ATP6V0A1: variants seen among roughly 807,000 people sequenced by gnomAD.
ATP6V0A1 encodes the protein ATPase H+ transporting V0 subunit a1.
Under a neutral mutation model 105.4 loss-of-function variants are expected in ATP6V0A1, and 43 were observed. The ratio of observed to expected loss-of-function variants is 0.41; its 90% CI spans 0.32 to 0.53. The LOEUF is 0.53. Among genes scored for constraint, ATP6V0A1 ranks in the 20% least tolerant of loss-of-function variants. The pLI, the probability that ATP6V0A1 is intolerant of heterozygous loss-of-function variation, is 0.30. For missense variants in ATP6V0A1, 676 were observed against 1,051.1 expected, an observed-to-expected ratio of 0.64 and a Z score of 4.93; for synonymous variants, 362 against 372.8, an observed-to-expected ratio of 0.97 and a Z score of 0.33.
intron 15 of ATP6V0A1, among the ~76,000 whole-genome samples, chr17:42,499,801 AT>A (rs2091517030): frequency 6.6e-6 from 1 of 152,046 alleles, no homozygotes; most frequent in Non-Finnish European, 1.5e-5. Context: ...AAAAAAAAAA[AT>A]GTTGATGGTC....
intron 10 of ATP6V0A1, among the ~76,000 whole-genome samples, chr17:42,490,184 C>T (rs1393005194): frequency 3.9e-5 from 6 of 152,170 alleles, no homozygotes; most frequent in African/African-American, 1.4e-4. Flanking sequence ...GGCAGTTCCA[C>T]ATTTTCTTTG....
intron 2 of ATP6V0A1, among the ~76,000 whole-genome samples, chr17:42,461,765 G>A (rs754383780): frequency 1.2e-4 from 19 of 152,172 alleles, no homozygotes; most frequent in African/African-American, 2.4e-4. Flanking sequence ...GCAAGACTCC[G>A]TCTCAAACAA....
chr17:42,460,812 A>G, intron 1 of ATP6V0A1, 36 bp from the exon 2 acceptor site: 2 of 1,158,252 alleles, frequency 1.7e-6, no homozygotes, highest in Non-Finnish European at 2.6e-6. Context: ...CCCTCGTGGT[A>G]ATTTCCAAAG....
At chr17:42,465,092 A>C (rs1329655398) in intron 2 of ATP6V0A1, among the ~76,000 whole-genome samples, 1 of 152,006 alleles carries the variant, frequency 6.6e-6, no homozygotes, top group East Asian at 1.9e-4. Flanking sequence ...TCCCAGGTTC[A>C]ATTGATTCTT....
rs2145927124 is a variant in ATP6V0A1, at chr17:42,487,183, A to G, written c.839A>G (p.Gln280Arg). ...MVLNQTEDHR[Q>R]RVLQAAAKNI... ...CTGAATCAAACGGAGGATCACCGCC[A>G]GAGGGTTCTGCAGGCAGCTGCTAAG... Residue 280 changes from glutamine to arginine, a missense_variant, in exon 10 of 22, where the codon CAG (glutamine) becomes CGG (arginine). By Grantham distance (43) the Gln-to-Arg change is conservative. Transcript: ENST00000343619. The G allele has an allele frequency of 6.2e-7, 1 of 1,614,224 alleles. No homozygotes were observed. The highest frequency in any genetic ancestry group is 8.5e-7 in the Non-Finnish European group (1 of 1,180,038).
At chr17:42,472,218 T>G (rs1016494601) in intron 5 of ATP6V0A1, among the ~76,000 whole-genome samples, 1 of 151,636 alleles carries the variant, frequency 6.6e-6, no homozygotes. Context: ...CACCCCCAGC[T>G]AATTTTTGTA....
rs117022588 is a variant in ATP6V0A1, at chr17:42,484,792, A to T, written c.810+1661A>T. Among the ~76,000 whole-genome samples the T allele has an allele frequency of 3.0e-4, 45 of 152,224 alleles. 1 individual carries two copies. The East Asian group carries it at 8.7e-3, about 29-fold the overall frequency. On this transcript the variant is annotated intron_variant, in intron 9 of 21. Coordinates refer to ENST00000343619, the MANE Select transcript of ATP6V0A1 (RefSeq NM_001130021.3). ...AAAGGCAGTTCCTTTTGGCAGTGGCAGAATTGTCAGGAATTGTCAGGGGTA... is the reference window on the plus strand; with the variant it reads ...AAAGGCAGTTCCTTTTGGCAGTGGCTGAATTGTCAGGAATTGTCAGGGGTA...
chr17:42,508,933 G>T (rs543976000), intron 19 of ATP6V0A1, among the ~76,000 whole-genome samples: 18 of 152,212 alleles, frequency 1.2e-4, no homozygotes, highest in African/African-American at 3.1e-4. Flanking sequence ...TTCCTCTCCT[G>T]TGATGTTGTG....
chr17:42,517,827 TC>T (rs1206350508), intron 21 of ATP6V0A1: 1 of 152,272 alleles, frequency 6.6e-6, no homozygotes, highest in Non-Finnish European at 1.5e-5. Context: ...TCCCACTTTA[TC>T]CCTGCTGTTT....
intron 19 of ATP6V0A1, among the ~76,000 whole-genome samples, chr17:42,512,791 AG>A (rs1314205882): frequency 6.6e-6 from 1 of 152,192 alleles, no homozygotes; most frequent in Non-Finnish European, 1.5e-5. Context: ...GGGTTTTGAA[AG>A]GAACTGCGGT....
intron 13 of ATP6V0A1, 92 bp downstream of exon 13, chr17:42,495,280 GA>G: frequency 1.4e-6 from 2 of 1,392,256 alleles, no homozygotes; most frequent in Non-Finnish European, 2.0e-6. Flanking sequence ...ACTTCTTTAG[GA>G]AGTGGTGACA....
Position 42,495,574 on chromosome 17 carries a change from T to C in ATP6V0A1, c.1470-52T>C, listed in dbSNP as rs1024741192. On this transcript the variant is annotated intron_variant, in intron 13 of 21. Coordinates refer to ENST00000343619, the MANE Select transcript of ATP6V0A1 (RefSeq NM_001130021.3). ...TTTGGGGTCAGTTTCTGGACCCTTG[T>C]TGTTTCCCTCTCTTGTTCAAAAATA... 2.1e-6 allele frequency: 3 copies of C among 1,430,316 alleles called. No homozygotes were observed. The African/African-American group carries it at 4.2e-5, about 20-fold the overall frequency. 88.6% of individuals were successfully genotyped at this position (1,430,316 alleles called of 1,614,324 possible).
At chr17:42,492,227 G>A (rs1406606269) in intron 11 of ATP6V0A1, among the ~76,000 whole-genome samples, 1 of 151,254 alleles carries the variant, frequency 6.6e-6, no homozygotes. Flanking sequence ...AAATTAGCCG[G>A]ATTTGGTGGC....
chr17:42,495,550 T>C (rs886949903), intron 13 of ATP6V0A1, 76 bp from the exon 14 acceptor site: 20 of 1,129,572 alleles, frequency 1.8e-5, no homozygotes, highest in Admixed American at 1.6e-4. Context: ...GTAATTTATT[T>C]TGGGGTCAGT....
At chr17:42,477,262 A>C (rs145146791) in intron 5 of ATP6V0A1, among the ~76,000 whole-genome samples, 110 of 152,354 alleles carry the variant, frequency 7.2e-4, no homozygotes, top group African/African-American at 2.4e-3. Flanking sequence ...GAAAGAAGAG[A>C]TATTTTAGCT....
intron 12 of ATP6V0A1, 192 bp from the exon 13 acceptor site, chr17:42,494,841 TA>T (rs2091008270): frequency 1.7e-6 from 1 of 580,852 alleles, no homozygotes; most frequent in Non-Finnish European, 2.8e-6. Context: ...GCCAACCTAA[TA>T]AAAAAATAGA....
Position 42,470,130 on chromosome 17 carries a change from A to G in ATP6V0A1, c.335A>G (p.Asn112Ser), listed in dbSNP as rs771265499. The change falls in exon 5 of 22, where the codon AAC (asparagine) becomes AGC (serine). Residue 112 changes from asparagine to serine, a missense_variant. Asn to Ser is a conservative substitution (Grantham distance 46). Coordinates refer to ENST00000343619, the MANE Select transcript of ATP6V0A1 (RefSeq NM_001130021.3). ...ATTGAAAATGAACTGAAGGAAATCA[A>G]CACAAACCAGGAAGCTCTGAAGAGA... Reference protein sequence around the residue: ...EKIENELKEINTNQEALKRNF... With the variant: ...EKIENELKEISTNQEALKRNF... The G allele has an allele frequency of 9.9e-6, 16 of 1,610,632 alleles. No homozygotes were observed. Among genetic ancestry groups the G allele is most frequent in the African/African-American group, 2.7e-5 (2 of 74,864 alleles).
intron 17 of ATP6V0A1, 141 bp downstream of exon 17, chr17:42,501,445 C>T (rs1387498356): frequency 1.9e-5 from 13 of 688,362 alleles, no homozygotes; most frequent in Non-Finnish European, 2.8e-5. Context: ...GACGGAGTCT[C>T]GCTCTGTCCC....
intron 17 of ATP6V0A1, among the ~76,000 whole-genome samples, chr17:42,506,256 C>A (rs1400698503): frequency 2.6e-5 from 4 of 152,188 alleles, no homozygotes; most frequent in Admixed American, 6.5e-5. Context: ...GGGCCCCACC[C>A]CAGAACTACT....
Sources: gnomAD v4.1 joint callset for allele counts (sites outside exome capture counted in the v4.1 genomes callset) on GRCh38, gnomAD v4.1.1 for gene constraint, MANE v1.5 for transcripts, NCBI Gene and HGNC (gene_info 2026-07-23, HGNC 2026-07-21) for gene names.